OMA1: variants seen among roughly 807,000 people sequenced by gnomAD.
OMA1 encodes OMA1 zinc metallopeptidase.
In OMA1, 38 loss-of-function variants were observed where a neutral mutation model predicts 30.9. The ratio of observed to expected loss-of-function variants is 1.23; its 90% CI spans 0.95 to 1.61. OMA1 has a LOEUF of 1.61. Ranked by LOEUF, OMA1 falls within the 40% of genes most tolerant of loss-of-function variation. The pLI, the probability that OMA1 is intolerant of heterozygous loss-of-function variation, is 0.00. For synonymous variants in OMA1, 173 were observed against 121.9 expected (o/e 1.42, Z -2.76); for missense variants, 461 against 349.2 (o/e 1.32, Z -2.55).
chr1:58,542,991 A>T (rs76982267), intron 1 of OMA1, among the ~76,000 whole-genome samples: 861 of 69,354 alleles, frequency 0.012, 4 homozygotes, highest in East Asian at 0.043. Context: ...AAGCTTTTTT[A>T]AAAAAAAAAA....
intron 7 of OMA1, among the ~76,000 whole-genome samples, chr1:58,521,138 G>T (rs1028961450): frequency 1.3e-5 from 2 of 152,030 alleles, no homozygotes; most frequent in African/African-American, 4.8e-5. Flanking sequence ...AAAACAAAAG[G>T]TAACTTTAAA....
chr1:58,530,088 A>G (rs1363278217), intron 6 of OMA1, among the ~76,000 whole-genome samples: 1 of 152,108 alleles, frequency 6.6e-6, no homozygotes, highest in East Asian at 1.9e-4. Context: ...TCACCACGTT[A>G]GCCAGGATGG....
chr1:58,487,600 G>T (rs1645597267), intron 8 of OMA1, among the ~76,000 whole-genome samples: 1 of 151,990 alleles, frequency 6.6e-6, no homozygotes, highest in South Asian at 2.1e-4. Context: ...TCAGGGCTAG[G>T]CGTCCTTTTC....
chr1:58,520,361 T>C (rs1646243236), intron 7 of OMA1, among the ~76,000 whole-genome samples: 2 of 151,976 alleles, frequency 1.3e-5, no homozygotes, highest in Non-Finnish European at 2.9e-5. Flanking sequence ...CTCCTACAAC[T>C]CAAGAATAAG....
rs1017477535 is a variant in OMA1 at position 58,480,789 on chromosome 1, C to T, written c.*176G>A. On this transcript the variant is annotated 3_prime_UTR_variant, in exon 9 of 9. Coordinates refer to ENST00000371226, the MANE Select transcript of OMA1 (RefSeq NM_145243.5). ...AGATATTTTAACATAGATTAAAATA[C>T]ATCAATATTTCATGAAAAATAAATT... 3 of 498,592 alleles carry T rather than the reference C, an allele frequency of 6.0e-6. No individual in the cohort carries two copies. The highest frequency in any genetic ancestry group is 3.9e-5 in the African/African-American group (2 of 50,962). The allele number at this position is 498,592 out of a possible 1,614,324, so 30.9% of individuals were successfully genotyped here.
At chr1:58,544,277 G>A (rs895060056) in intron 1 of OMA1, among the ~76,000 whole-genome samples, 1 of 152,078 alleles carries the variant, frequency 6.6e-6, no homozygotes, top group African/African-American at 2.4e-5. Context: ...CATTCATTCT[G>A]AAAATGTTTA....
chr1:58,528,849 T>C (rs1291479442), intron 6 of OMA1, among the ~76,000 whole-genome samples: 5 of 152,212 alleles, frequency 3.3e-5, no homozygotes, highest in Non-Finnish European at 7.4e-5. Context: ...TGAGGGGCCT[T>C]GATTTAGGAA....
intron 8 of OMA1, among the ~76,000 whole-genome samples, chr1:58,495,096 A>G (rs1421555248): frequency 6.6e-6 from 1 of 152,230 alleles, no homozygotes; most frequent in Non-Finnish European, 1.5e-5. Flanking sequence ...GCCATAAAAA[A>G]GGATGAGTTC....
chr1:58,489,880 T>C (rs1481077175), intron 8 of OMA1, among the ~76,000 whole-genome samples: 1 of 152,006 alleles, frequency 6.6e-6, no homozygotes, highest in East Asian at 1.9e-4. Context: ...CAGCTGAGGG[T>C]CCTGACTGTT....
intron 8 of OMA1, among the ~76,000 whole-genome samples, chr1:58,481,731 G>T (rs1329546033): frequency 1.3e-5 from 2 of 152,076 alleles, no homozygotes; most frequent in African/African-American, 2.4e-5. Flanking sequence ...ATGGAGGTGG[G>T]TGTTTCCCGT....
At chr1:58,538,218 A>C (rs1646548322) in intron 2 of OMA1, among the ~76,000 whole-genome samples, 1 of 152,220 alleles carries the variant, frequency 6.6e-6, no homozygotes, top group African/African-American at 2.4e-5. Flanking sequence ...AAAGGGTTAA[A>C]GCACTACAAG....
intron 7 of OMA1, among the ~76,000 whole-genome samples, chr1:58,507,202 CTT>C (rs1646002603): frequency 6.6e-6 from 1 of 151,720 alleles, no homozygotes; most frequent in African/African-American, 2.4e-5. Context: ...CATTTCTTAA[CTT>C]ATTCTTTCTA....
intron 8 of OMA1, among the ~76,000 whole-genome samples, chr1:58,498,752 G>C (rs763731243): frequency 6.6e-6 from 1 of 152,080 alleles, no homozygotes; most frequent in African/African-American, 2.4e-5. Flanking sequence ...TAAAATCTCA[G>C]AGATGTGTTC....
intron 7 of OMA1, among the ~76,000 whole-genome samples, chr1:58,510,041 T>G (rs778256934): frequency 6.6e-6 from 1 of 152,090 alleles, no homozygotes; most frequent in African/African-American, 2.4e-5. Flanking sequence ...ACCTCACTGG[T>G]GAATGCCACC....
chr1:58,533,290 A>C (rs566344023), intron 5 of OMA1, among the ~76,000 whole-genome samples: 1 of 152,356 alleles, frequency 6.6e-6, no homozygotes, highest in South Asian at 2.1e-4. Flanking sequence ...CTGGACTAAC[A>C]TACAGAAGAC....
intron 7 of OMA1, among the ~76,000 whole-genome samples, chr1:58,515,358 T>A (rs1265493403): frequency 6.6e-6 from 1 of 152,192 alleles, no homozygotes; most frequent in Non-Finnish European, 1.5e-5. Flanking sequence ...TAATCTTAAT[T>A]TTTTGCTCAA....
At chr1:58,542,068 A>T (rs1304875559) in intron 1 of OMA1, among the ~76,000 whole-genome samples, 3 of 152,194 alleles carry the variant, frequency 2.0e-5, no homozygotes, top group Non-Finnish European at 4.4e-5. Context: ...AAATTACTCA[A>T]ATTTATTTTT....
rs200793257 is a variant in OMA1 at position 58,538,927 on chromosome 1, T to C, written c.368A>G (p.His123Arg). 2.5e-4 allele frequency: 222 copies of C among 872,938 alleles called. 2 individuals are homozygous for C. The highest frequency in any genetic ancestry group is 2.2e-3 in the Middle Eastern group (10 of 4,612). 54.1% of individuals were successfully genotyped at this position (872,938 alleles called of 1,614,324 possible). A position where few individuals can be genotyped will look rare whatever the true frequency, so the allele number is the denominator to read the frequency against. ...VTAVPSLSVL[H>R]PLSPASIRAI... ...TCTTATGGAAGCAGGGCTTAGAGGATGCAATACTGACAGACTAGGGACTGC... is the reference window on the plus strand; with the variant it reads ...TCTTATGGAAGCAGGGCTTAGAGGACGCAATACTGACAGACTAGGGACTGC... Residue 123 changes from histidine (H) to arginine (R), a missense_variant, in exon 2 of 9, where the codon CAT becomes CGT. His to Arg is a conservative substitution (Grantham distance 29). Transcript: ENST00000371226.
At chr1:58,485,067 A>G (rs1047785677) in intron 8 of OMA1, among the ~76,000 whole-genome samples, 39 of 152,014 alleles carry the variant, frequency 2.6e-4, no homozygotes, top group Admixed American at 2.6e-3. Context: ...ATGGGTCAAC[A>G]TAGGTTCATC....
Sources: allele counts gnomAD v4.1 joint callset (sites outside exome capture counted in the v4.1 genomes callset), GRCh38; gene constraint gnomAD v4.1.1; transcripts MANE v1.5; gene names NCBI Gene and HGNC (gene_info 2026-07-23, HGNC 2026-07-21).